The following TRPM4 variants were observed in gnomAD, a reference collection of about 807,000 sequenced individuals.
TRPM4 encodes the protein calcium-activated non-selective cation channel 1.
A neutral mutation model predicts 135.6 loss-of-function variants in TRPM4; 124 were observed. That is an observed-to-expected ratio of 0.91 (90% CI 0.79 to 1.06). The LOEUF is 1.06. Ranked by LOEUF, TRPM4 falls within the 50% of genes least tolerant of loss-of-function variation. The pLI, the probability that TRPM4 is intolerant of heterozygous loss-of-function variation, is 0.00. For missense variants in TRPM4, 1,658 were observed against 1,671.4 expected (o/e 0.99, Z 0.14); for synonymous variants, 745 against 705.6 (o/e 1.06, Z -0.88).
chr19:49,184,924 T>C (rs1968140556), intron 12 of TRPM4, among the ~76,000 whole-genome samples: 1 of 131,302 alleles, frequency 7.6e-6, no homozygotes, highest in African/African-American at 3.0e-5. Flanking sequence ...GTTTTCTGTG[T>C]TTTTTTCTTT....
In TRPM4 at chr19:49,178,099, G is replaced by A. The variant is rs1243087173; in HGVS notation, c.1151-3250G>A. ...TTATCACAGCACCTTGGAAGACTAA[G>A]GAAGGAGGTTCGCTTGAGCCCAGGA... On this transcript the variant is annotated intron_variant, in intron 9 of 24. Transcript: ENST00000252826. Among the ~76,000 whole-genome samples, 4 of 152,318 alleles carry A rather than the reference G, an allele frequency of 2.6e-5. No individual in the cohort carries two copies. The South Asian group carries it at 6.2e-4, about 24-fold the overall frequency.
rs144894691 is a variant in TRPM4 at position 49,179,594 on chromosome 19, C to T, written c.1151-1755C>T. On this transcript the variant is annotated intron_variant, in intron 9 of 24. Coordinates refer to ENST00000252826, the MANE Select transcript of TRPM4 (RefSeq NM_017636.4). ...CGAACTCCTGAGCTCAGGCGATCCG[C>T]CCATCTTGGCCTCCCAAAGTGCTGG... Among the ~76,000 whole-genome samples, 1,049 of 152,318 alleles carry T rather than the reference C, an allele frequency of 6.9e-3. 13 individuals are homozygous for T. Among genetic ancestry groups the T allele is most frequent in the African/African-American group, 0.024 (1,002 of 41,556 alleles).
intron 9 of TRPM4, among the ~76,000 whole-genome samples, chr19:49,174,439 C>T (rs953572866): frequency 1.3e-5 from 2 of 151,924 alleles, no homozygotes; most frequent in African/African-American, 4.8e-5. Context: ...GTGTGAGCCA[C>T]TGCACCTGGC....
chr19:49,175,692 G>A (rs1162113614), intron 9 of TRPM4, among the ~76,000 whole-genome samples: 10 of 142,150 alleles, frequency 7.0e-5, no homozygotes, highest in Non-Finnish European at 9.1e-5. Flanking sequence ...ACAGAGTCTC[G>A]CTCTGTCGCC....
intron 9 of TRPM4, among the ~76,000 whole-genome samples, chr19:49,178,584 G>A (rs1967790685): frequency 6.6e-6 from 1 of 151,944 alleles, no homozygotes; most frequent in South Asian, 2.1e-4. Flanking sequence ...GGACAGAGGG[G>A]CCATTCCTGA....
In TRPM4 at chr19:49,207,928, C is replaced by T. The variant is rs369056491; in HGVS notation, c.3132-2281C>T. 6.5e-4 allele frequency among the ~76,000 whole-genome samples: 98 copies of T among 151,916 alleles called. 1 individual carries two copies. The South Asian group carries it at 0.014, about 22-fold the overall frequency. ...GACAGTGGCCCCTAATGCCTGGCTG[C>T]GCTGTTATTTATTGGATACAAAGCA... On this transcript the variant is annotated intron_variant, in intron 20 of 24. Transcript: ENST00000252826.
rs773954664 is a variant in TRPM4, at chr19:49,183,213, G to T, written c.1743+1G>T. On this transcript the variant is annotated splice_donor_variant, in intron 12 of 24. Transcript: ENST00000252826. LOFTEE classifies it high-confidence loss of function. ...GATGGCCATGTACTTCTGGGAGATGGTGAGTGCTGACTTGGCGCTCCTGCA... is the reference window on the plus strand; with the variant it reads ...GATGGCCATGTACTTCTGGGAGATGTTGAGTGCTGACTTGGCGCTCCTGCA... 1.2e-6 allele frequency: 2 copies of T among 1,614,116 alleles called. No individual in the cohort carries two copies. Among genetic ancestry groups the T allele is most frequent in the Admixed American group, 3.3e-5 (2 of 60,024 alleles).
intron 16 of TRPM4, among the ~76,000 whole-genome samples, chr19:49,195,288 A>G (rs1028554822): frequency 6.6e-6 from 1 of 152,186 alleles, no homozygotes; most frequent in Non-Finnish European, 1.5e-5. Context: ...CCATTCATGT[A>G]CCTGCTGTCT....
Position 49,190,686 on chromosome 19 carries a change from C to G in TRPM4, c.2133-10C>G. 2 of 1,614,062 alleles carry G rather than the reference C, an allele frequency of 1.2e-6. No individual in the cohort carries two copies. The highest frequency in any genetic ancestry group is 2.2e-5 in the South Asian group (2 of 91,074). On this transcript the variant is annotated splice_polypyrimidine_tract_variant and intron_variant, in intron 15 of 24. Transcript: ENST00000252826. ...CCTCATTTCTTGCTCTGTGCTTCCC[C>G]CCTTGCTAGGAAATCAGAAGAGGAG... is the stretch of plus-strand genomic sequence containing the variant.
chr19:49,182,492 C>T (rs549453100), intron 10 of TRPM4, 86 bp from the exon 11 acceptor site: 1 of 996,834 alleles, frequency 1.0e-6, no homozygotes. Flanking sequence ...ATCCATCCAT[C>T]CATCCATCCG....
chr19:49,181,742 C>T (rs1259058575), intron 10 of TRPM4, among the ~76,000 whole-genome samples: 1 of 151,888 alleles, frequency 6.6e-6, no homozygotes, highest in Admixed American at 6.6e-5. Flanking sequence ...CTATGTTAGC[C>T]AGGATGGTCT....
intron 10 of TRPM4, among the ~76,000 whole-genome samples, chr19:49,182,126 ATCTGT>A (rs1223773920): frequency 4.8e-4 from 68 of 141,578 alleles, no homozygotes; most frequent in South Asian, 2.3e-3. Flanking sequence ...CCATCCATCC[ATCTGT>A]CCATTCATCC....
chr19:49,183,099 G>T lies in TRPM4; in HGVS notation c.1630G>T (p.Ala544Ser). Residue 544 changes from alanine to serine, a missense_variant, in exon 12 of 25, where the codon GCC becomes TCC. This residue lies in a region of TRPM4 where 1,412 missense variants were observed against 1,408.7 expected (regional missense o/e 1.00). Coordinates refer to ENST00000252826, the MANE Select transcript of TRPM4 (RefSeq NM_017636.4). ...GCAGATGTATCTGCTCTCGGACAAG[G>T]CCACCTCGCCGCTCTCGCTGGATGC... ...GESMYLLSDK[A>S]TSPLSLDAGL... 1.2e-6 allele frequency: 2 copies of T among 1,613,048 alleles called. No homozygotes were observed. Among genetic ancestry groups the T allele is most frequent in the Non-Finnish European group, 1.7e-6 (2 of 1,180,016 alleles).
chr19:49,210,623 G>C lies in TRPM4; in HGVS notation c.3329-87G>C. On this transcript the variant is annotated intron_variant, in intron 21 of 24. Coordinates refer to ENST00000252826, the MANE Select transcript of TRPM4 (RefSeq NM_017636.4). This position sits in a 1 kb window ranked among gnomAD's most constrained non-coding sequence, Gnocchi z 4.1. ...ATCACCAGGGGCTGGGTCTGGGATAGCGTGCGTGTTCTGAGGGTGTCGGAA... is the reference window on the plus strand; with the variant it reads ...ATCACCAGGGGCTGGGTCTGGGATACCGTGCGTGTTCTGAGGGTGTCGGAA... 1 of 1,598,586 alleles carries C rather than the reference G, an allele frequency of 6.3e-7. No individual in the cohort carries two copies. The highest frequency in any genetic ancestry group is 8.6e-7 in the Non-Finnish European group (1 of 1,168,108).
intron 20 of TRPM4, among the ~76,000 whole-genome samples, chr19:49,203,363 TAG>T (rs1474179759): frequency 6.6e-6 from 1 of 151,490 alleles, no homozygotes; most frequent in East Asian, 1.9e-4. Flanking sequence ...GTATTTTTAG[TAG>T]AGATGGGGTT....
intron 9 of TRPM4, among the ~76,000 whole-genome samples, chr19:49,177,858 T>A (rs1568466970): frequency 6.6e-6 from 1 of 152,102 alleles, no homozygotes; most frequent in East Asian, 1.9e-4. Flanking sequence ...GCAAGGGGCA[T>A]GTTTGGAGAG....
At chr19:49,180,255 A>G (rs943465673) in intron 9 of TRPM4, among the ~76,000 whole-genome samples, 2 of 152,010 alleles carry the variant, frequency 1.3e-5, no homozygotes, top group African/African-American at 4.8e-5. Context: ...TGGATCCACT[A>G]CATAGCTGGA....
intron 17 of TRPM4, among the ~76,000 whole-genome samples, chr19:49,197,368 C>T (rs1174451490): frequency 4.7e-5 from 5 of 105,446 alleles, no homozygotes; most frequent in African/African-American, 7.7e-5. Context: ...TTCTTTCTCT[C>T]TCTTTCTTTT....
At chr19:49,187,448 G>T (rs993987343) in intron 12 of TRPM4, among the ~76,000 whole-genome samples, 1 of 151,622 alleles carries the variant, frequency 6.6e-6, no homozygotes, top group Non-Finnish European at 1.5e-5. Context: ...GGGCTCATTC[G>T]ATCCTCCTAC....
Sources: allele counts gnomAD v4.1 joint callset (sites outside exome capture counted in the v4.1 genomes callset), GRCh38; gene constraint gnomAD v4.1.1; regional missense constraint gnomAD v4.1.1; non-coding constraint Gnocchi (gnomAD v3.1); transcripts MANE v1.5; gene names NCBI Gene and HGNC (gene_info 2026-07-23, HGNC 2026-07-21).